POLA1: variants seen among roughly 807,000 people sequenced by gnomAD.
POLA1 encodes DNA polymerase alpha 1, catalytic subunit.
In POLA1, 15 loss-of-function variants were observed where a neutral mutation model predicts 124.0. The ratio of observed to expected loss-of-function variants is 0.12; its 90% CI spans 0.08 to 0.19. The LOEUF is 0.19. Ranked by LOEUF, POLA1 falls within the 10% of genes least tolerant of loss-of-function variation. The pLI is 1.00. For synonymous variants in POLA1, 408 were observed against 389.4 expected (o/e 1.05, Z -0.56); for missense variants, 886 against 1,103.4 (o/e 0.80, Z 2.79).
intron 34 of POLA1, among the ~76,000 whole-genome samples, chrX:24,856,016 A>G (rs1419437096): frequency 8.9e-6 from 1 of 112,357 alleles, no homozygotes; most frequent in Non-Finnish European, 1.9e-5. Flanking sequence ...TAACTTTCCT[A>G]TATTCAAATA....
chrX:24,769,339 G>C (rs1260770599), intron 26 of POLA1, among the ~76,000 whole-genome samples: 1 of 111,308 alleles, frequency 9.0e-6, no homozygotes, highest in African/African-American at 3.3e-5. Context: ...TGGGCTTCTG[G>C]GTTTTTATTC....
chrX:24,881,572 T>C (rs1358891460), intron 34 of POLA1, among the ~76,000 whole-genome samples: 1 of 111,743 alleles, frequency 8.9e-6, no homozygotes, highest in African/African-American at 3.3e-5. Context: ...TCGTTGATTG[T>C]GAACCTTTGT....
intron 31 of POLA1, among the ~76,000 whole-genome samples, 185 bp from the exon 32 acceptor site, chrX:24,826,242 G>T (rs188287445): frequency 8.9e-6 from 1 of 111,872 alleles, no homozygotes; most frequent in African/African-American, 3.2e-5. Flanking sequence ...TTGAGATGTT[G>T]TCCTTGATTT....
At chrX:24,828,407 G>C (rs1301414128) in intron 32 of POLA1, among the ~76,000 whole-genome samples, 1 of 111,827 alleles carries the variant, frequency 8.9e-6, no homozygotes, top group Non-Finnish European at 1.9e-5. Flanking sequence ...CAAAGGTTGT[G>C]ATCTTAACTA....
At chrX:24,787,176 T>G (rs2045383340) in intron 26 of POLA1, among the ~76,000 whole-genome samples, 1 of 111,783 alleles carries the variant, frequency 8.9e-6, no homozygotes. Context: ...ATTTTGTAGG[T>G]TGTCTTTTTG....
intron 36 of POLA1, among the ~76,000 whole-genome samples, chrX:24,965,248 G>A (rs1983258194): frequency 1.8e-5 from 2 of 112,071 alleles, no homozygotes; most frequent in African/African-American, 6.5e-5. Context: ...GTAACATGCT[G>A]ATACCAAGGT....
intron 1 of POLA1, among the ~76,000 whole-genome samples, chrX:24,694,464 A>G (rs1259391511): frequency 1.8e-5 from 2 of 112,529 alleles, no homozygotes; most frequent in Non-Finnish European, 3.8e-5. Context: ...AAGTGCTGTC[A>G]TCGGGGAATA....
At chrX:24,906,556 C>T (rs375169900) in intron 35 of POLA1, among the ~76,000 whole-genome samples, 21 of 110,460 alleles carry the variant, frequency 1.9e-4, no homozygotes, top group Admixed American at 1.7e-3. Context: ...GAATAAAAGA[C>T]TATACATTGG....
At chrX:24,919,029 G>A (rs967829152) in intron 35 of POLA1, among the ~76,000 whole-genome samples, 3 of 111,703 alleles carry the variant, frequency 2.7e-5, no homozygotes, top group African/African-American at 9.8e-5. Flanking sequence ...AGATTTGGAG[G>A]AGACAAACAT....
chrX:24,801,579 T>C (rs1470073725), intron 26 of POLA1, among the ~76,000 whole-genome samples: 1 of 111,093 alleles, frequency 9.0e-6, no homozygotes, highest in Non-Finnish European at 1.9e-5. Context: ...TTCATTAATA[T>C]CATTCGGTTG....
chrX:24,736,382 G>T (rs1931277576), intron 18 of POLA1, among the ~76,000 whole-genome samples: 1 of 111,718 alleles, frequency 9.0e-6, no homozygotes, highest in Non-Finnish European at 1.9e-5. Flanking sequence ...TCTGTCCACA[G>T]TGTTGGACTG....
intron 32 of POLA1, among the ~76,000 whole-genome samples, chrX:24,828,959 C>A (rs1274538536): frequency 2.7e-5 from 3 of 112,068 alleles, no homozygotes; most frequent in Non-Finnish European, 5.6e-5. Flanking sequence ...TTGACAGATA[C>A]TTTATTATAA....
At position 24,863,529 on chromosome X, in the gene POLA1, C is replaced by A. The variant is rs1014321529; in HGVS notation, c.4047+19852C>A. On this transcript the variant is annotated intron_variant, in intron 34 of 36. Transcript: ENST00000379068. Reference sequence around the variant, plus strand: ...TTCTTAGTTCAGTAACTCTTGATCACTGTGCAGTTGTGTAGCTGTGCTATC... The same window carrying A: ...TTCTTAGTTCAGTAACTCTTGATCAATGTGCAGTTGTGTAGCTGTGCTATC... 3.6e-5 allele frequency among the ~76,000 whole-genome samples: 4 copies of A among 111,900 alleles called. No individual in the cohort carries two copies. In the Admixed American group the frequency reaches 3.8e-4, roughly 11 times the overall value.
Position 24,751,378 on chromosome X carries a change from A to G in POLA1, c.2964+2386A>G, listed in dbSNP as rs1464301923. On this transcript the variant is annotated intron_variant, in intron 26 of 36. Coordinates refer to ENST00000379068, the MANE Select transcript of POLA1 (RefSeq NM_001330360.2). ...AACACAATTTTAATTTTTCTGTTAT[A>G]TAAAATATAACAATAACAAATCTTT... Among the ~76,000 whole-genome samples, 5 of 112,216 alleles carry G rather than the reference A, an allele frequency of 4.5e-5. No homozygotes were observed. The Admixed American group carries it at 4.7e-4, about 11-fold the overall frequency.
intron 34 of POLA1, among the ~76,000 whole-genome samples, chrX:24,884,922 T>A (rs1234872171): frequency 8.9e-6 from 1 of 111,895 alleles, no homozygotes; most frequent in East Asian, 2.8e-4. Flanking sequence ...TCCATATGAT[T>A]TGAAAGGACA....
chrX:24,953,693 G>A (rs1396677644), intron 36 of POLA1, among the ~76,000 whole-genome samples: 2 of 112,029 alleles, frequency 1.8e-5, no homozygotes, highest in African/African-American at 6.5e-5. Flanking sequence ...AAGGGCTTTG[G>A]TAAGGAGTGT....
chrX:24,911,395 G>A (rs1197696343), intron 35 of POLA1, among the ~76,000 whole-genome samples: 1 of 111,336 alleles, frequency 9.0e-6, no homozygotes, highest in Non-Finnish European at 1.9e-5. Flanking sequence ...TAATCAGGCT[G>A]TTAGAATCAG....
chrX:24,695,736 C>T (rs1319183430), intron 1 of POLA1, among the ~76,000 whole-genome samples: 1 of 111,708 alleles, frequency 9.0e-6, no homozygotes, highest in Admixed American at 9.5e-5. Flanking sequence ...TCTCTTCCTC[C>T]CAAAGTGATG....
chrX:24,761,769 A>G (rs1932799427), intron 26 of POLA1, among the ~76,000 whole-genome samples: 1 of 112,268 alleles, frequency 8.9e-6, no homozygotes, highest in African/African-American at 3.2e-5. Context: ...TTCTTGCCTC[A>G]TAGCCAGGAA....
Sources: allele counts gnomAD v4.1 joint callset (sites outside exome capture counted in the v4.1 genomes callset), GRCh38; gene constraint gnomAD v4.1.1; transcripts MANE v1.5; gene names NCBI Gene and HGNC (gene_info 2026-07-23, HGNC 2026-07-21).